The following FHOD3 variants were observed in gnomAD, a reference collection of about 807,000 sequenced individuals.
FHOD3 encodes the protein FH1/FH2 domain-containing protein 3.
In FHOD3, 90 loss-of-function variants were observed where a neutral mutation model predicts 173.0. The observed-to-expected ratio is 0.52, with a 90% confidence interval of 0.44 to 0.62. FHOD3 has a LOEUF of 0.62. Among genes scored for constraint, FHOD3 ranks in the 20% least tolerant of loss-of-function variants. FHOD3 has a pLI of 0.00. For missense variants in FHOD3, 1,945 were observed against 2,034.7 expected (o/e 0.96, Z 0.85); for synonymous variants, 828 against 823.0 (o/e 1.01, Z -0.10).
chr18:36,743,645 G>C (rs2042016251), intron 22 of FHOD3, among the ~76,000 whole-genome samples: 1 of 152,104 alleles, frequency 6.6e-6, no homozygotes, highest in Non-Finnish European at 1.5e-5. Flanking sequence ...CATCACCTAG[G>C]TATTAAGCCC....
intron 3 of FHOD3, among the ~76,000 whole-genome samples, chr18:36,375,171 G>T (rs887023661): frequency 6.6e-6 from 1 of 152,180 alleles, no homozygotes; most frequent in Non-Finnish European, 1.5e-5. Flanking sequence ...TGTTAGATGA[G>T]ATTTCTTATG....
chr18:36,611,030 A>G (rs1331731238), intron 8 of FHOD3, among the ~76,000 whole-genome samples: 1 of 152,210 alleles, frequency 6.6e-6, no homozygotes, highest in Non-Finnish European at 1.5e-5. Flanking sequence ...TCCTTCTCTT[A>G]AGAGAGGTAG....
intron 2 of FHOD3, among the ~76,000 whole-genome samples, chr18:36,356,947 T>A (rs2145792159): frequency 6.6e-6 from 1 of 152,182 alleles, no homozygotes; most frequent in Middle Eastern, 3.4e-3. Context: ...TTCTTATCCA[T>A]CTCGAACTAA....
chr18:36,408,820 C>G (rs1051697621), intron 3 of FHOD3, among the ~76,000 whole-genome samples: 3 of 152,136 alleles, frequency 2.0e-5, no homozygotes, highest in Admixed American at 6.5e-5. Flanking sequence ...TGGATCACCT[C>G]CCAGGAGCAG....
At chr18:36,477,545 ACCTACCTACCTACC>A (rs2145357749) in intron 3 of FHOD3, among the ~76,000 whole-genome samples, 2 of 39,874 alleles carry the variant, frequency 5.0e-5, no homozygotes, top group Admixed American at 6.8e-4. Flanking sequence ...CCACCCACCC[ACCTACCTACCTACC>A]TACCTACCTA....
chr18:36,317,869 T>G (rs540795872), intron 1 of FHOD3, among the ~76,000 whole-genome samples: 1 of 152,346 alleles, frequency 6.6e-6, no homozygotes, highest in East Asian at 1.9e-4. Flanking sequence ...GGCCTCACAT[T>G]TAAGTCTTTA....
chr18:36,746,923 G>A (rs780096177), intron 23 of FHOD3, 22 bp from the exon 24 acceptor site: 5 of 1,577,166 alleles, frequency 3.2e-6, no homozygotes, highest in Admixed American at 3.7e-5. Flanking sequence ...AGTGTTTGCA[G>A]TGTTCTCGCT....
At chr18:36,765,256 T>A (rs559309699) in intron 27 of FHOD3, among the ~76,000 whole-genome samples, 1 of 152,228 alleles carries the variant, frequency 6.6e-6, no homozygotes, top group Non-Finnish European at 1.5e-5. Flanking sequence ...TTACTGATCT[T>A]GGCCTCAAGA....
At chr18:36,641,573 T>C (rs963692461) in intron 10 of FHOD3, among the ~76,000 whole-genome samples, 1 of 152,178 alleles carries the variant, frequency 6.6e-6, no homozygotes, top group Non-Finnish European at 1.5e-5. Flanking sequence ...GTGAGTTGTT[T>C]AGTGTCTCTT....
intron 1 of FHOD3, among the ~76,000 whole-genome samples, chr18:36,304,361 T>C (rs12964928): frequency 6.6e-6 from 1 of 152,094 alleles, no homozygotes; most frequent in Non-Finnish European, 1.5e-5. Context: ...TGAGTTAAAG[T>C]TGGATTATAG....
At chr18:36,554,654 G>A (rs973338363) in intron 5 of FHOD3, among the ~76,000 whole-genome samples, 2 of 152,060 alleles carry the variant, frequency 1.3e-5, no homozygotes, top group Non-Finnish European at 2.9e-5. Flanking sequence ...AAAAGAATTG[G>A]TATTATTTCA....
chr18:36,747,469 A>G (rs1045502712), intron 24 of FHOD3, among the ~76,000 whole-genome samples: 17 of 151,992 alleles, frequency 1.1e-4, no homozygotes, highest in Non-Finnish European at 2.1e-4. Context: ...TAGAGAGGAC[A>G]CTCCCTTTCA....
rs1358001974 is a variant in FHOD3, at chr18:36,512,428, T to C, written c.406-10T>C. 1 of 1,610,596 alleles carries C rather than the reference T, an allele frequency of 6.2e-7. No individual in the cohort carries two copies. Among genetic ancestry groups the C allele is most frequent in the Non-Finnish European group, 8.5e-7 (1 of 1,177,182 alleles). On this transcript the variant is annotated splice_polypyrimidine_tract_variant and intron_variant, in intron 4 of 28. Transcript: ENST00000590592. ...AGTATTTGAAGTATTTTTGTTTTCT[T>C]TCCTGCCAGGATGACAAGGATTTGG... is the stretch of plus-strand genomic sequence containing the variant.
intron 10 of FHOD3, among the ~76,000 whole-genome samples, chr18:36,629,368 ATAT>A (rs2034342185): frequency 6.6e-6 from 1 of 152,198 alleles, no homozygotes; most frequent in Admixed American, 6.5e-5. Context: ...ATGTCATGAA[ATAT>A]TATTCTTTTG....
intron 15 of FHOD3, among the ~76,000 whole-genome samples, chr18:36,683,493 A>C (rs1489375530): frequency 6.6e-6 from 1 of 152,204 alleles, no homozygotes; most frequent in Non-Finnish European, 1.5e-5. Flanking sequence ...AGAGCAGGTG[A>C]AATTAGGAAG....
At chr18:36,311,279 A>G (rs904957822) in intron 1 of FHOD3, among the ~76,000 whole-genome samples, 2 of 152,114 alleles carry the variant, frequency 1.3e-5, no homozygotes, top group Non-Finnish European at 2.9e-5. Flanking sequence ...CTGATTATCA[A>G]GTGTTAGCCA....
chr18:36,758,986 T>C (rs1430993593), intron 25 of FHOD3, 132 bp from the exon 26 acceptor site: 5 of 955,720 alleles, frequency 5.2e-6, no homozygotes, highest in Non-Finnish European at 8.0e-6. Context: ...AGAGGATGTA[T>C]CCTGGTTGTG....
At chr18:36,770,640 A>G (rs1397158743) in intron 28 of FHOD3, among the ~76,000 whole-genome samples, 1 of 152,162 alleles carries the variant, frequency 6.6e-6, no homozygotes, top group East Asian at 1.9e-4. Flanking sequence ...GGGTGGACTG[A>G]GAATCTGTTT....
chr18:36,511,291 T>C (rs2055626978), intron 4 of FHOD3, among the ~76,000 whole-genome samples: 1 of 151,760 alleles, frequency 6.6e-6, no homozygotes, highest in African/African-American at 2.4e-5. Context: ...GAAAAATCCC[T>C]CTCAGCTTGG....
Sources: allele counts gnomAD v4.1 joint callset (sites outside exome capture counted in the v4.1 genomes callset), GRCh38; gene constraint gnomAD v4.1.1; transcripts MANE v1.5; gene names NCBI Gene and HGNC (gene_info 2026-07-23, HGNC 2026-07-21).